PGM1: variants seen among roughly 807,000 people sequenced by gnomAD.
The protein encoded by PGM1 is phosphoglucomutase 1.
PGM1 carries 52 observed loss-of-function variants against 55.6 expected under a neutral mutation model. The observed-to-expected ratio is 0.94, with a 90% CI of 0.75 to 1.18. The LOEUF is 1.18. PGM1 is among the 50% of genes most tolerant of loss of function. The probability of loss-of-function intolerance (pLI) is 0.00; values close to 1 mark genes in which losing one functional copy is unlikely to be tolerated. For missense variants in PGM1, 724 were observed against 729.3 expected (o/e 0.99, Z 0.08); for synonymous variants, 287 against 271.7 (o/e 1.06, Z -0.55).
chr1:63,639,692 C>T (rs1649462681), intron 7 of PGM1, among the ~76,000 whole-genome samples: 1 of 151,990 alleles, frequency 6.6e-6, no homozygotes, highest in African/African-American at 2.4e-5. Context: ...CTACTGTCAC[C>T]CTTTAGTGAA....
chr1:63,599,492 C>T (rs1053471211), intron 1 of PGM1, among the ~76,000 whole-genome samples: 1 of 101,416 alleles, frequency 9.9e-6, no homozygotes, highest in Non-Finnish European at 1.8e-5. Context: ...GCTGTAACCC[C>T]CACTTTAAAA....
chr1:63,604,959 G>GTGTGTATT (rs58900430), intron 1 of PGM1, among the ~76,000 whole-genome samples: 1 of 134,236 alleles, frequency 7.4e-6, no homozygotes, highest in African/African-American at 3.1e-5. Flanking sequence ...GTGTGTGTGT[G>GTGTGTATT]TAAAGAGAGG....
chr1:63,596,104 G>A (rs1648057550), intron 1 of PGM1, among the ~76,000 whole-genome samples: 1 of 152,136 alleles, frequency 6.6e-6, no homozygotes, highest in Non-Finnish European at 1.5e-5. Flanking sequence ...GCATTTGGCA[G>A]TGCTGATTTT....
Position 63,659,888 on chromosome 1 carries a change from C to G in PGM1, c.*213C>G, listed in dbSNP as rs1650072740. The G allele has an allele frequency of 1.3e-5, 8 of 626,596 alleles. No individual in the cohort carries two copies. In the South Asian group the frequency reaches 1.4e-4, roughly 11 times the overall value. 38.8% of individuals were successfully genotyped at this position (626,596 alleles called of 1,614,324 possible). A position where few individuals can be genotyped will look rare whatever the true frequency, so the allele number is the denominator to read the frequency against. ...AGAGGACCTGCGGGCTTAGATCAAT[C>G]TCAATTCCTTTTCATGCCCTCCTGC... is the stretch of plus-strand genomic sequence containing the variant. On this transcript the variant is annotated 3_prime_UTR_variant, in exon 11 of 11. Coordinates refer to ENST00000371084, the MANE Select transcript of PGM1 (RefSeq NM_002633.3).
intron 6 of PGM1, among the ~76,000 whole-genome samples, chr1:63,637,136 G>T (rs1284165376): frequency 6.6e-6 from 1 of 152,226 alleles, no homozygotes; most frequent in Non-Finnish European, 1.5e-5. Context: ...CAAGGCCAGG[G>T]AGGAAAGTAG....
chr1:63,637,839 T>G (rs183515762), intron 6 of PGM1, among the ~76,000 whole-genome samples: 116 of 152,330 alleles, frequency 7.6e-4, no homozygotes, highest in Non-Finnish European at 1.3e-3. Flanking sequence ...TAAAAGTTTA[T>G]TGTACTTTCA....
intron 7 of PGM1, among the ~76,000 whole-genome samples, chr1:63,644,267 G>A (rs929939989): frequency 6.6e-6 from 1 of 152,188 alleles, no homozygotes; most frequent in African/African-American, 2.4e-5. Context: ...GTCCCTGAGC[G>A]GAGCAAGGGT....
intron 1 of PGM1, among the ~76,000 whole-genome samples, chr1:63,603,201 T>C (rs1029237884): frequency 1.2e-4 from 19 of 152,250 alleles, no homozygotes; most frequent in Non-Finnish European, 1.5e-5. Flanking sequence ...ATTTCCTGTC[T>C]ACAACAAACC....
chr1:63,616,962 T>C (rs1291885702), intron 1 of PGM1, among the ~76,000 whole-genome samples: 2 of 152,244 alleles, frequency 1.3e-5, no homozygotes, highest in Admixed American at 6.5e-5. Flanking sequence ...TAAAGGCTAA[T>C]ACTTACGCAG....
intron 1 of PGM1, among the ~76,000 whole-genome samples, chr1:63,617,116 T>C (rs1267913609): frequency 6.6e-6 from 1 of 152,174 alleles, no homozygotes; most frequent in African/African-American, 2.4e-5. Context: ...AGAGCCTACA[T>C]CCCTTGCCCA....
At chr1:63,653,352 A>G (rs1462347686) in intron 9 of PGM1, among the ~76,000 whole-genome samples, 1 of 152,246 alleles carries the variant, frequency 6.6e-6, no homozygotes, top group Non-Finnish European at 1.5e-5. Context: ...AGAAATGGTC[A>G]GTGAAAATGG....
chr1:63,649,708 C>A (rs895532921), intron 8 of PGM1, among the ~76,000 whole-genome samples: 5 of 152,204 alleles, frequency 3.3e-5, no homozygotes, highest in African/African-American at 1.2e-4. Context: ...ATTCATTGAT[C>A]TCTTTCTCTC....
Position 63,631,792 on chromosome 1 carries a change from C to G in PGM1, c.682+10C>G, listed in dbSNP as rs1649203113. The stretch of plus-strand genomic sequence containing the variant: ...GATGCTATGCATGGAGGTATACAAT[C>G]ATTTCTTTTCAATTCCCATCTCTTG... On this transcript the variant is annotated intron_variant, in intron 4 of 10. Transcript: ENST00000371084. 6.2e-7 allele frequency: 1 copy of G among 1,613,276 alleles called. No individual in the cohort carries two copies. Among genetic ancestry groups the G allele is most frequent in the Non-Finnish European group, 8.5e-7 (1 of 1,179,410 alleles).
Position 63,629,370 on chromosome 1 carries a change from C to T in PGM1, c.247-55C>T, listed in dbSNP as rs570759700. ...CTGTTGTCTTGGTGTTGTTTCTGAG[C>T]GGTGACTCTGGATGTATTGATGTTA... On this transcript the variant is annotated intron_variant, in intron 1 of 10. Transcript: ENST00000371084. 3.3e-4 allele frequency: 480 copies of T among 1,459,992 alleles called. 1 individual carries two copies. The highest frequency in any genetic ancestry group is 4.1e-4 in the Non-Finnish European group (430 of 1,039,716). The allele number at this position is 1,459,992 out of a possible 1,614,324, so 90.4% of individuals were successfully genotyped here.
At chr1:63,627,065 C>T (rs112126373) in intron 1 of PGM1, among the ~76,000 whole-genome samples, 2 of 98,256 alleles carry the variant, frequency 2.0e-5, no homozygotes, top group Non-Finnish European at 4.3e-5. Context: ...CCCCCCCCCC[C>T]CACACACACA....
At chr1:63,599,707 A>G (rs1471129476) in intron 1 of PGM1, among the ~76,000 whole-genome samples, 2 of 152,114 alleles carry the variant, frequency 1.3e-5, no homozygotes, top group Admixed American at 6.5e-5. Flanking sequence ...GGAGGATCAC[A>G]TTCACCCTGT....
intron 1 of PGM1, chr1:63,593,941 C>T: frequency 8.2e-7 from 1 of 1,220,638 alleles, no homozygotes; most frequent in South Asian, 3.1e-5. Flanking sequence ...CCACGGGACC[C>T]GGCAGACCTG....
chr1:63,598,715 C>T (rs1407566940), intron 1 of PGM1, among the ~76,000 whole-genome samples: 1 of 152,136 alleles, frequency 6.6e-6, no homozygotes, highest in Non-Finnish European at 1.5e-5. Flanking sequence ...TTGAATTCTA[C>T]CCAAGGACCT....
chr1:63,644,734 A>T (rs1285876815), intron 7 of PGM1, among the ~76,000 whole-genome samples: 11 of 152,210 alleles, frequency 7.2e-5, no homozygotes, highest in Admixed American at 6.5e-4. Context: ...TCTGTTTTGC[A>T]GTTGAAGAAA....
Sources: gnomAD v4.1 joint callset for allele counts (sites outside exome capture counted in the v4.1 genomes callset) on GRCh38, gnomAD v4.1.1 for gene constraint, MANE v1.5 for transcripts, NCBI Gene and HGNC (gene_info 2026-07-23, HGNC 2026-07-21) for gene names.